Variants in UNC5C observed in about 807,000 individuals in gnomAD.
UNC5C encodes netrin receptor UNC5C.
In UNC5C, 47 loss-of-function variants were observed where a neutral mutation model predicts 99.8. The ratio of observed to expected loss-of-function variants is 0.47; its 90% CI spans 0.37 to 0.60. The LOEUF (loss-of-function observed/expected upper bound fraction) is 0.60. Among genes scored for constraint, UNC5C ranks in the 20% least tolerant of loss-of-function variants. The probability of loss-of-function intolerance (pLI) is 0.00; values close to 1 mark genes in which losing one functional copy is unlikely to be tolerated. For missense variants in UNC5C, 1,062 were observed against 1,165.9 expected, an observed-to-expected ratio of 0.91 and a Z score of 1.30; for synonymous variants, 487 against 452.2, an observed-to-expected ratio of 1.08 and a Z score of -0.98.
intron 1 of UNC5C, among the ~76,000 whole-genome samples, chr4:95,483,779 G>A (rs180904520): frequency 4.3e-4 from 66 of 151,780 alleles, no homozygotes; most frequent in African/African-American, 1.5e-3. Flanking sequence ...CATTAAGCAG[G>A]ACAAGTCCCT....
chr4:95,320,435 AAAAG>A (rs1742643892), intron 2 of UNC5C, among the ~76,000 whole-genome samples: 3 of 142,074 alleles, frequency 2.1e-5, no homozygotes, highest in Middle Eastern at 3.7e-3. Flanking sequence ...AAAAAAAAAA[AAAAG>A]AAAAGAAAAG....
chr4:95,179,746 CAAAAAAAA>C (rs33974336), intron 14 of UNC5C, among the ~76,000 whole-genome samples: 7 of 98,528 alleles, frequency 7.1e-5, no homozygotes, highest in African/African-American at 3.4e-4. Flanking sequence ...GACTCCTTCT[CAAAAAAAA>C]AAAAAAAAAA....
At chr4:95,229,640 C>T (rs1342670360) in intron 7 of UNC5C, among the ~76,000 whole-genome samples, 1 of 151,990 alleles carries the variant, frequency 6.6e-6, no homozygotes, top group Admixed American at 6.6e-5. Flanking sequence ...TGTGTATACA[C>T]CCAGTAATGG....
intron 8 of UNC5C, among the ~76,000 whole-genome samples, chr4:95,219,571 C>T (rs1202857487): frequency 3.9e-5 from 6 of 152,140 alleles, no homozygotes; most frequent in Admixed American, 6.5e-5. Flanking sequence ...TTGGCTATTT[C>T]AACAGATTGG....
Position 95,242,494 on chromosome 4 carries a change from C to T in UNC5C, c.1043G>A (p.Gly348Glu). The change falls in exon 7 of 16, where the codon GGA becomes GAA. Residue 348 changes from glycine to glutamate, a missense_variant. Physicochemically the swap from Gly to Glu is moderately conservative, Grantham distance 98 (BLOSUM62 -2). Transcript: ENST00000453304. ...GACGAGGCCGTCGCAGTCCTTGCCT[C>T]CATTCTTGGGGGCTGGCGCCGTGCA... Reference protein sequence around the residue: ...RECTAPAPKNGGKDCDGLVLQ... With the variant: ...RECTAPAPKNEGKDCDGLVLQ... 6.2e-7 allele frequency: 1 copy of T among 1,613,962 alleles called. No homozygotes were observed. The highest frequency in any genetic ancestry group is 8.5e-7 in the Non-Finnish European group (1 of 1,179,920).
chr4:95,431,980 A>G (rs1746648680), intron 1 of UNC5C, among the ~76,000 whole-genome samples: 1 of 152,264 alleles, frequency 6.6e-6, no homozygotes, highest in Non-Finnish European at 1.5e-5. Flanking sequence ...TCTCAAGCAC[A>G]AGAACAGAAA....
chr4:95,190,993 C>CACTT (rs1008892571), intron 12 of UNC5C, among the ~76,000 whole-genome samples: 1 of 152,182 alleles, frequency 6.6e-6, no homozygotes, highest in African/African-American at 2.4e-5. Context: ...TAGCCTGGGC[C>CACTT]ACTTAAGAGC....
intron 3 of UNC5C, among the ~76,000 whole-genome samples, chr4:95,300,850 A>T (rs1741841424): frequency 6.6e-6 from 1 of 152,204 alleles, no homozygotes; most frequent in South Asian, 2.1e-4. Flanking sequence ...GTACAGAAAA[A>T]TAGAAGGAAT....
intron 7 of UNC5C, among the ~76,000 whole-genome samples, chr4:95,222,615 A>G (rs1256461675): frequency 6.6e-6 from 1 of 152,160 alleles, no homozygotes; most frequent in Admixed American, 6.5e-5. Flanking sequence ...TATCCCTGCC[A>G]TATGCTTTAA....
chr4:95,272,207 C>T (rs925753412), intron 4 of UNC5C, among the ~76,000 whole-genome samples: 14 of 152,112 alleles, frequency 9.2e-5, no homozygotes, highest in African/African-American at 2.9e-4. Context: ...TTTTTCTCCT[C>T]GAGGGACTTA....
chr4:95,233,893 G>A (rs1043312385), intron 7 of UNC5C, among the ~76,000 whole-genome samples: 4 of 151,912 alleles, frequency 2.6e-5, no homozygotes, highest in Admixed American at 1.3e-4. Flanking sequence ...CCAGAATGGC[G>A]CCACTGCACT....
chr4:95,240,630 A>C (rs919072084), intron 7 of UNC5C, among the ~76,000 whole-genome samples: 4 of 152,012 alleles, frequency 2.6e-5, no homozygotes, highest in African/African-American at 9.7e-5. Flanking sequence ...ACAAAAACAA[A>C]CACAAACACA....
At chr4:95,481,296 T>A (rs1276005857) in intron 1 of UNC5C, among the ~76,000 whole-genome samples, 1 of 151,986 alleles carries the variant, frequency 6.6e-6, no homozygotes, top group Admixed American at 6.6e-5. Flanking sequence ...GGAATCCAAC[T>A]TAAAAGGGAT....
At chr4:95,380,908 T>C (rs1005009658) in intron 1 of UNC5C, among the ~76,000 whole-genome samples, 3 of 152,158 alleles carry the variant, frequency 2.0e-5, no homozygotes, top group African/African-American at 7.2e-5. Context: ...ACAACTGCAG[T>C]GTGAAAGTTC....
chr4:95,325,719 T>C (rs1015987906), intron 2 of UNC5C, among the ~76,000 whole-genome samples: 2 of 152,150 alleles, frequency 1.3e-5, no homozygotes, highest in African/African-American at 4.8e-5. Flanking sequence ...GCTGACTGTT[T>C]GCTAATTGGC....
intron 3 of UNC5C, among the ~76,000 whole-genome samples, chr4:95,291,638 C>T (rs1741454661): frequency 6.6e-6 from 1 of 151,912 alleles, no homozygotes; most frequent in Non-Finnish European, 1.5e-5. Context: ...TCTACAAAAG[C>T]AAATATGTTT....
intron 1 of UNC5C, among the ~76,000 whole-genome samples, chr4:95,516,103 T>C (rs891087459): frequency 1.3e-5 from 2 of 152,106 alleles, no homozygotes; most frequent in Non-Finnish European, 2.9e-5. Flanking sequence ...CAAATATTTA[T>C]TGTCATTTTT....
At chr4:95,515,644 T>G (rs1417799992) in intron 1 of UNC5C, among the ~76,000 whole-genome samples, 3 of 152,196 alleles carry the variant, frequency 2.0e-5, no homozygotes, top group Non-Finnish European at 4.4e-5. Flanking sequence ...CCACTATGCA[T>G]AGCCAATAGT....
At chr4:95,489,997 T>C (rs7675938) in intron 1 of UNC5C, among the ~76,000 whole-genome samples, 41,754 of 151,244 alleles carry the variant, frequency 0.28, 6,666 homozygotes, top group Non-Finnish European at 0.36. Context: ...ATCAGAACCA[T>C]GGCACACAAC....
Sources: gnomAD v4.1 joint callset for allele counts (sites outside exome capture counted in the v4.1 genomes callset) on GRCh38, gnomAD v4.1.1 for gene constraint, MANE v1.5 for transcripts, NCBI Gene and HGNC (gene_info 2026-07-23, HGNC 2026-07-21) for gene names.